Variants in CHRM3 observed in about 807,000 individuals in gnomAD.
The protein encoded by CHRM3 is cholinergic receptor muscarinic 3.
In CHRM3, 11 loss-of-function variants were observed where a neutral mutation model predicts 41.8. The ratio of observed to expected loss-of-function variants is 0.26; its 90% CI spans 0.17 to 0.44. The LOEUF (loss-of-function observed/expected upper bound fraction) is 0.44. CHRM3 is among the 20% of genes least tolerant of loss of function. CHRM3 has a pLI of 1.00. For missense variants in CHRM3, 571 were observed against 745.4 expected (o/e 0.77, Z 2.72); for synonymous variants, 297 against 301.4 (o/e 0.99, Z 0.15).
At chr1:239,576,575 T>TACACAC (rs376692136) in intron 3 of CHRM3, among the ~76,000 whole-genome samples, 2 of 131,686 alleles carry the variant, frequency 1.5e-5, no homozygotes, top group African/African-American at 5.2e-5. Context: ...ACATCATCTC[T>TACACAC]ACACACACAC....
At chr1:239,876,690 G>A (rs1001930819) in intron 6 of CHRM3, among the ~76,000 whole-genome samples, 2 of 152,198 alleles carry the variant, frequency 1.3e-5, no homozygotes, top group African/African-American at 4.8e-5. Context: ...TCCTGTTCTG[G>A]TCAATCACAT....
At chr1:239,712,438 A>C (rs573220379) in intron 5 of CHRM3, among the ~76,000 whole-genome samples, 1 of 152,326 alleles carries the variant, frequency 6.6e-6, no homozygotes, top group East Asian at 1.9e-4. Context: ...GAAAGTTGAA[A>C]ATGACAAAAT....
intron 5 of CHRM3, among the ~76,000 whole-genome samples, chr1:239,821,133 G>A (rs550163290): frequency 6.6e-6 from 1 of 152,310 alleles, no homozygotes; most frequent in South Asian, 2.1e-4. Flanking sequence ...CCATCCCAAA[G>A]CTAGAAGAAA....
At chr1:239,540,805 A>T (rs971364480) in intron 2 of CHRM3, among the ~76,000 whole-genome samples, 3 of 152,122 alleles carry the variant, frequency 2.0e-5, no homozygotes, top group Admixed American at 6.5e-5. Context: ...TCTTATTATA[A>T]TAAAGTATTA....
intron 3 of CHRM3, among the ~76,000 whole-genome samples, chr1:239,611,416 C>CTTGTTTTTT (rs1667019367): frequency 1.0e-5 from 1 of 96,238 alleles, no homozygotes; most frequent in South Asian, 3.9e-4. Context: ...TTGCAAGTGA[C>CTTGTTTTTT]TTTTTTTTTT....
At chr1:239,526,321 G>A (rs1669991348) in intron 2 of CHRM3, among the ~76,000 whole-genome samples, 3 of 152,146 alleles carry the variant, frequency 2.0e-5, no homozygotes, top group Admixed American at 2.0e-4. Flanking sequence ...CTGTTTCCCT[G>A]TAGAGTGAAA....
intron 4 of CHRM3, among the ~76,000 whole-genome samples, chr1:239,670,304 GTC>G (rs1458539347): frequency 1.3e-5 from 2 of 152,022 alleles, no homozygotes; most frequent in South Asian, 2.1e-4. Flanking sequence ...CTGGCCCATA[GTC>G]TCTATTTCTT....
At chr1:239,702,532 A>G (rs550440725) in intron 5 of CHRM3, among the ~76,000 whole-genome samples, 9 of 152,352 alleles carry the variant, frequency 5.9e-5, no homozygotes, top group African/African-American at 2.2e-4. Context: ...GTATTATAAT[A>G]GCTTGCAGAA....
At chr1:239,866,422 G>T (rs116087133) in intron 6 of CHRM3, among the ~76,000 whole-genome samples, 2,211 of 151,550 alleles carry the variant, frequency 0.015, 50 homozygotes, top group African/African-American at 0.051. Flanking sequence ...AAAAAAGCTT[G>T]CCCAAAACTA....
intron 2 of CHRM3, among the ~76,000 whole-genome samples, chr1:239,534,444 C>T (rs1657998729): frequency 6.6e-6 from 1 of 152,192 alleles, no homozygotes; most frequent in African/African-American, 2.4e-5. Flanking sequence ...GTACTAATTC[C>T]ATTTGATGAA....
At chr1:239,454,427 C>T (rs1664775989) in intron 1 of CHRM3, among the ~76,000 whole-genome samples, 2 of 151,562 alleles carry the variant, frequency 1.3e-5, no homozygotes, top group African/African-American at 4.8e-5. Flanking sequence ...TCCAGGCGAG[C>T]CACCTTCCCG....
chr1:239,763,090 T>A (rs2148667418), intron 5 of CHRM3, among the ~76,000 whole-genome samples: 1 of 152,286 alleles, frequency 6.6e-6, no homozygotes, highest in Non-Finnish European at 1.5e-5. Context: ...CATGAGGAAA[T>A]CTTATTCCCT....
chr1:239,482,258 T>G (rs922085924), intron 1 of CHRM3, among the ~76,000 whole-genome samples: 6 of 152,142 alleles, frequency 3.9e-5, no homozygotes, highest in Non-Finnish European at 2.9e-5. Flanking sequence ...CACACACTTC[T>G]GTTGAATATA....
At chr1:239,640,068 G>T (rs1383394964) in intron 4 of CHRM3, among the ~76,000 whole-genome samples, 8 of 152,058 alleles carry the variant, frequency 5.3e-5, no homozygotes, top group Non-Finnish European at 8.8e-5. Context: ...GGATTACCTT[G>T]ATTGATTTGC....
intron 1 of CHRM3, among the ~76,000 whole-genome samples, chr1:239,405,045 T>C (rs144547310): frequency 2.0e-4 from 30 of 151,968 alleles, no homozygotes; most frequent in African/African-American, 5.6e-4. Context: ...TCGTGAACAG[T>C]CTAAAAAATG....
intron 5 of CHRM3, among the ~76,000 whole-genome samples, chr1:239,718,355 C>A (rs1662601068): frequency 6.6e-6 from 1 of 152,002 alleles, no homozygotes; most frequent in South Asian, 2.1e-4. Context: ...ATACAAACTC[C>A]TCAGCGTGAA....
intron 6 of CHRM3, among the ~76,000 whole-genome samples, chr1:239,842,315 G>A (rs983106381): frequency 4.0e-5 from 6 of 151,414 alleles, no homozygotes; most frequent in Admixed American, 6.6e-5. Flanking sequence ...TCCACCTCTC[G>A]GACTCCGCCT....
chr1:239,682,810 T>A (rs1466318253), intron 5 of CHRM3, among the ~76,000 whole-genome samples: 3 of 152,158 alleles, frequency 2.0e-5, no homozygotes, highest in East Asian at 1.9e-4. Context: ...TTTAGCAAAA[T>A]TTTTTTGTAT....
intron 6 of CHRM3, among the ~76,000 whole-genome samples, chr1:239,894,655 A>T (rs1390267533): frequency 6.6e-6 from 1 of 151,924 alleles, no homozygotes; most frequent in East Asian, 1.9e-4. Context: ...CTGGTCTCGA[A>T]CTCATGCGCT....
Sources: gnomAD v4.1 joint callset for allele counts (sites outside exome capture counted in the v4.1 genomes callset) on GRCh38, gnomAD v4.1.1 for gene constraint, MANE v1.5 for transcripts, NCBI Gene and HGNC (gene_info 2026-07-23, HGNC 2026-07-21) for gene names.